The following AFG2A variants were observed in gnomAD, a reference collection of about 807,000 sequenced individuals.
AFG2A encodes ATPase family gene 2 protein homolog A.
the AFG2A span, among the ~76,000 whole-genome samples, chr4:123,135,877 T>C: frequency 2.0e-4 from 30 of 152,264 alleles, no homozygotes; most frequent in African/African-American, 7.2e-4. Context: ...ACTGCTAGAA[T>C]TCATAAACCC....
the AFG2A span, among the ~76,000 whole-genome samples, chr4:123,307,624 A>C: frequency 2.0e-5 from 3 of 152,228 alleles, no homozygotes; most frequent in Non-Finnish European, 4.4e-5. Flanking sequence ...GTGAGACAAT[A>C]AATCGCCATT....
the AFG2A span, among the ~76,000 whole-genome samples, chr4:123,084,041 T>A: frequency 6.6e-6 from 1 of 152,150 alleles, no homozygotes; most frequent in African/African-American, 2.4e-5. Flanking sequence ...TTTGGCAGAT[T>A]GAAGTTTTTA....
the AFG2A span, among the ~76,000 whole-genome samples, chr4:123,249,375 G>A: frequency 6.6e-6 from 1 of 152,134 alleles, no homozygotes; most frequent in Non-Finnish European, 1.5e-5. Context: ...TATGATTTTA[G>A]TGTAACTCCT....
the AFG2A span, among the ~76,000 whole-genome samples, chr4:123,071,075 T>C: frequency 6.6e-6 from 1 of 152,210 alleles, no homozygotes; most frequent in Non-Finnish European, 1.5e-5. Context: ...TATTATTTCT[T>C]GTGTTGGATT....
At chr4:123,115,277 C>T in the AFG2A span, among the ~76,000 whole-genome samples, 1 of 152,090 alleles carries the variant, frequency 6.6e-6, no homozygotes, top group African/African-American at 2.4e-5. Flanking sequence ...GGCCCCAAAC[C>T]CAGTTGTCGG....
chr4:123,017,175 AGGG>A, the AFG2A span, among the ~76,000 whole-genome samples: 113 of 57,654 alleles, frequency 2.0e-3, 2 homozygotes, highest in East Asian at 0.036. Flanking sequence ...GGAGAGGGAG[AGGG>A]GGGAGAGGGA....
chr4:122,967,594 A>G, the AFG2A span, among the ~76,000 whole-genome samples: 1 of 152,210 alleles, frequency 6.6e-6, no homozygotes, highest in Non-Finnish European at 1.5e-5. Context: ...TTTGCACACT[A>G]GTCAGCTTAT....
chr4:123,059,382 C>A, the AFG2A span, among the ~76,000 whole-genome samples: 1 of 149,270 alleles, frequency 6.7e-6, no homozygotes, highest in Non-Finnish European at 1.5e-5. Flanking sequence ...CAATTCCCAC[C>A]TATGAGTGAG....
At chr4:122,934,488 A>C in the AFG2A span, 1 of 1,614,246 alleles carries the variant, frequency 6.2e-7, no homozygotes, top group South Asian at 1.1e-5. Flanking sequence ...CCAGAGAAGG[A>C]AATGAGCAAC....
the AFG2A span, among the ~76,000 whole-genome samples, chr4:123,109,241 C>T: frequency 3.3e-5 from 5 of 152,032 alleles, no homozygotes; most frequent in Non-Finnish European, 5.9e-5. Context: ...CTCTATACTC[C>T]CAGGAAAATT....
the AFG2A span, among the ~76,000 whole-genome samples, chr4:123,143,671 A>C: frequency 6.6e-6 from 1 of 151,884 alleles, no homozygotes; most frequent in African/African-American, 2.4e-5. Context: ...TATACTAATA[A>C]AGTTAGTCTC....
chr4:123,172,737 A>AAT, the AFG2A span, among the ~76,000 whole-genome samples: 1 of 152,114 alleles, frequency 6.6e-6, no homozygotes, highest in Non-Finnish European at 1.5e-5. Context: ...TTTTCCCATT[A>AAT]AGATGTTGCT....
chr4:123,054,605 C>A, the AFG2A span, among the ~76,000 whole-genome samples: 1 of 151,896 alleles, frequency 6.6e-6, no homozygotes, highest in Non-Finnish European at 1.5e-5. Context: ...GTAGTCCCAG[C>A]TACTTGGAAG....
the AFG2A span, among the ~76,000 whole-genome samples, chr4:123,292,461 A>G: frequency 6.6e-6 from 1 of 151,806 alleles, no homozygotes; most frequent in African/African-American, 2.4e-5. Context: ...TTGCAGAATT[A>G]TTTTTCTGGT....
At chr4:123,096,610 T>C in the AFG2A span, among the ~76,000 whole-genome samples, 1 of 152,064 alleles carries the variant, frequency 6.6e-6, no homozygotes, top group East Asian at 1.9e-4. Flanking sequence ...TTGGGTACTT[T>C]TAGTACGGAT....
chr4:123,071,727 C>A, the AFG2A span, among the ~76,000 whole-genome samples: 12 of 152,268 alleles, frequency 7.9e-5, no homozygotes, highest in Middle Eastern at 3.4e-3. Context: ...GTGTGTCTTT[C>A]TGCATTTATA....
At chr4:123,253,673 C>G in the AFG2A span, among the ~76,000 whole-genome samples, 7 of 151,962 alleles carry the variant, frequency 4.6e-5, no homozygotes, top group Non-Finnish European at 8.8e-5. Context: ...TTGTGAACTT[C>G]CATATACAAG....
At chr4:123,267,367 A>G in the AFG2A span, among the ~76,000 whole-genome samples, 631 of 152,154 alleles carry the variant, frequency 4.1e-3, 4 homozygotes, top group Middle Eastern at 0.024. Flanking sequence ...CCTATTTACT[A>G]TTAAATTCTG....
the AFG2A span, among the ~76,000 whole-genome samples, chr4:122,955,472 T>G: frequency 6.6e-6 from 1 of 152,204 alleles, no homozygotes; most frequent in South Asian, 2.1e-4. Flanking sequence ...ATTGCAGTTA[T>G]TTTAGAGCTT....
Sources: allele counts gnomAD v4.1 joint callset (sites outside exome capture counted in the v4.1 genomes callset), GRCh38; gene constraint gnomAD v4.1.1; transcripts MANE v1.5; gene names NCBI Gene and HGNC (gene_info 2026-07-23, HGNC 2026-07-21).